DPP6: variants seen among roughly 807,000 people sequenced by gnomAD.
DPP6 encodes the protein dipeptidyl peptidase like 6.
DPP6 carries 69 observed loss-of-function variants against 122.6 expected under a neutral mutation model. The ratio of observed to expected loss-of-function variants is 0.56; its 90% confidence interval spans 0.46 to 0.69. The LOEUF is 0.69. Among genes scored for constraint, DPP6 ranks in the 30% least tolerant of loss-of-function variants. The pLI is 0.00. For synonymous variants in DPP6, 418 were observed against 433.1 expected (o/e 0.97, Z 0.43); for missense variants, 928 against 1,116.9 (o/e 0.83, Z 2.41).
the DPP6 span, among the ~76,000 whole-genome samples, chr7:153,879,170 A>G: frequency 2.0e-5 from 3 of 152,030 alleles, no homozygotes; most frequent in Admixed American, 6.5e-5. Context: ...TGCACTGGAG[A>G]AGGGAAAAAA....
At position 154,614,674 on chromosome 7, in the gene DPP6, G is replaced by A. The variant is rs182195224; in HGVS notation, c.628-23147G>A. On this transcript the variant is annotated intron_variant, in intron 5 of 25. Transcript: ENST00000377770. ...AGAAACTTCAAGTTTAAATTCTCCTGAAAGCTAACTTTAAATGTTAATGTT... is the reference window on the plus strand; with the variant it reads ...AGAAACTTCAAGTTTAAATTCTCCTAAAAGCTAACTTTAAATGTTAATGTT... Among the ~76,000 whole-genome samples, 73 of 152,286 alleles carry A rather than the reference G, an allele frequency of 4.8e-4. 1 individual carries two copies. The highest frequency in any genetic ancestry group is 8.2e-4 in the Non-Finnish European group (56 of 68,028).
At chr7:154,123,973 G>A (rs566236519) in intron 1 of DPP6, among the ~76,000 whole-genome samples, 2 of 151,882 alleles carry the variant, frequency 1.3e-5, no homozygotes, top group African/African-American at 2.4e-5. Flanking sequence ...CACTCACTAT[G>A]ATTACCTGGG....
intron 1 of DPP6, among the ~76,000 whole-genome samples, chr7:154,197,928 G>A (rs1203345660): frequency 1.3e-5 from 2 of 152,048 alleles, no homozygotes; most frequent in Non-Finnish European, 2.9e-5. Flanking sequence ...CAGCAGGAGC[G>A]GCCCACCCAG....
chr7:154,547,132 G>T (rs539281135), intron 4 of DPP6, among the ~76,000 whole-genome samples: 1 of 152,126 alleles, frequency 6.6e-6, no homozygotes, highest in East Asian at 1.9e-4. Flanking sequence ...GCTCAGCCTC[G>T]GTTTCAGCTC....
At position 154,801,411 on chromosome 7, in the gene DPP6, C is replaced by G; in HGVS notation, c.1356C>G (p.Ile452Met). The G allele has an allele frequency of 6.3e-7, 1 of 1,597,256 alleles. No individual in the cohort carries two copies. Among genetic ancestry groups the G allele is most frequent in the Non-Finnish European group, 8.5e-7 (1 of 1,171,246 alleles). The change falls in exon 13 of 26, where the codon ATC becomes ATG. Residue 452 changes from isoleucine to methionine, a missense_variant. Ile to Met is a conservative substitution (Grantham distance 10). Transcript: ENST00000377770. Reference protein sequence around the residue: ...DGRKFFFIRAIPQGGRGKFYH... With the variant: ...DGRKFFFIRAMPQGGRGKFYH... ...GAAAGTTTTTCTTCATCAGAGCCAT[C>G]CCCCAGGGAGGACGAGGGAAATTCT...
chr7:154,845,786 A>G (rs1327160266), intron 16 of DPP6, among the ~76,000 whole-genome samples: 1 of 152,254 alleles, frequency 6.6e-6, no homozygotes, highest in Non-Finnish European at 1.5e-5. Context: ...TCAGTTGGAG[A>G]GCAACTAGAC....
chr7:153,884,989 T>A (rs28727934), upstream of DPP6, among the ~76,000 whole-genome samples: 12 of 17,038 alleles, frequency 7.0e-4, no homozygotes, highest in South Asian at 2.0e-3. Flanking sequence ...AAAACAAAAA[T>A]ATATATATAT....
intron 3 of DPP6, among the ~76,000 whole-genome samples, chr7:154,514,201 G>A (rs551442481): frequency 5.5e-4 from 84 of 152,054 alleles, no homozygotes; most frequent in African/African-American, 1.7e-3. Context: ...CCTTGAACCC[G>A]GGAGGCAGAG....
intron 5 of DPP6, among the ~76,000 whole-genome samples, chr7:154,570,470 C>T (rs546453158): frequency 2.6e-5 from 4 of 152,050 alleles, no homozygotes; most frequent in East Asian, 1.9e-4. Context: ...GGGTGATCTG[C>T]GTACATTTAG....
At chr7:154,242,836 G>T (rs62484155) in intron 1 of DPP6, among the ~76,000 whole-genome samples, 19,679 of 152,206 alleles carry the variant, frequency 0.13, 1,578 homozygotes, top group Non-Finnish European at 0.18. Context: ...ACCATGGCAG[G>T]CAGTACACAG....
At chr7:154,775,728 C>G (rs1480430662) in intron 10 of DPP6, among the ~76,000 whole-genome samples, 1 of 152,148 alleles carries the variant, frequency 6.6e-6, no homozygotes, top group Non-Finnish European at 1.5e-5. Flanking sequence ...AATTGGAAAT[C>G]AAGCCCAGCA....
At chr7:153,901,447 G>A (rs954420149) in intron 1 of DPP6, among the ~76,000 whole-genome samples, 5 of 152,210 alleles carry the variant, frequency 3.3e-5, no homozygotes, top group African/African-American at 1.2e-4. Flanking sequence ...CCACCATAGT[G>A]GGTAGGTACA....
chr7:154,058,177 C>G (rs906678544), intron 1 of DPP6: 1 of 148,796 alleles, frequency 6.7e-6, no homozygotes, highest in South Asian at 2.1e-4. Context: ...AGGCAATCCC[C>G]GCGAGGCGGG....
chr7:153,834,200 T>C, the DPP6 span, among the ~76,000 whole-genome samples: 1 of 150,984 alleles, frequency 6.6e-6, no homozygotes, highest in African/African-American at 2.4e-5. Flanking sequence ...GGCAGGAGAA[T>C]GGCTTGAACC....
intron 17 of DPP6, 105 bp from the exon 18 acceptor site, chr7:154,867,890 G>A: frequency 7.2e-7 from 1 of 1,389,464 alleles, no homozygotes; most frequent in South Asian, 1.7e-5. Flanking sequence ...AATCACCTCT[G>A]AGGCTGATGA....
chr7:154,558,504 G>A (rs1830198767), intron 4 of DPP6, among the ~76,000 whole-genome samples: 2 of 152,202 alleles, frequency 1.3e-5, no homozygotes, highest in Non-Finnish European at 1.5e-5. Context: ...TGGCATCTTA[G>A]TCAACAATGG....
intron 1 of DPP6, among the ~76,000 whole-genome samples, chr7:153,982,936 A>G (rs895941759): frequency 3.3e-5 from 5 of 152,162 alleles, no homozygotes; most frequent in African/African-American, 1.2e-4. Context: ...CCAGAGGGGC[A>G]CCCACCAGAT....
rs550134339 is a variant in DPP6 at position 154,192,652 on chromosome 7, A to G, written c.243+139589A>G. On this transcript the variant is annotated intron_variant, in intron 1 of 25. Coordinates refer to ENST00000377770, the MANE Select transcript of DPP6 (RefSeq NM_130797.4). ...TTGAGGAAGGCCACAAGAAGGAGAT[A>G]TTTCAATTAGATGCTTTTATAAATG... 2.6e-5 allele frequency among the ~76,000 whole-genome samples: 4 copies of G among 152,396 alleles called. No individual in the cohort carries two copies. The South Asian group carries it at 6.2e-4, about 24-fold the overall frequency.
intron 1 of DPP6, among the ~76,000 whole-genome samples, chr7:154,251,920 A>AC (rs5888565): frequency 0.76 from 115,232 of 152,082 alleles, 44,837 homozygotes; most frequent in African/African-American, 0.94. Context: ...TCACAGACAC[A>AC]CCAGAAACAA....
Sources: allele counts gnomAD v4.1 joint callset (sites outside exome capture counted in the v4.1 genomes callset), GRCh38; gene constraint gnomAD v4.1.1; transcripts MANE v1.5; gene names NCBI Gene and HGNC (gene_info 2026-07-23, HGNC 2026-07-21).